ACTR3B: variants seen among roughly 807,000 people sequenced by gnomAD.
ACTR3B encodes actin-related protein 3B.
A neutral mutation model predicts 59.0 loss-of-function variants in ACTR3B; 8 were observed. That is an observed-to-expected ratio of 0.14 (90% CI 0.08 to 0.24). ACTR3B has a LOEUF of 0.24. Ranked by LOEUF, ACTR3B falls within the 10% of genes least tolerant of loss-of-function variation. ACTR3B has a pLI of 1.00. For synonymous variants in ACTR3B, 148 were observed against 197.9 expected, an observed-to-expected ratio of 0.75 and a Z score of 2.12; for missense variants, 245 against 552.3, an observed-to-expected ratio of 0.44 and a Z score of 5.58.
At chr7:152,814,201 C>T (rs1174252620) in intron 4 of ACTR3B, 2 of 234,658 alleles carry the variant, frequency 8.5e-6, no homozygotes, top group South Asian at 3.7e-5. Flanking sequence ...TGTCCTCACT[C>T]GTCTTGGTTG....
At chr7:152,782,668 C>G (rs532352456) in intron 1 of ACTR3B, among the ~76,000 whole-genome samples, 1 of 151,568 alleles carries the variant, frequency 6.6e-6, no homozygotes, top group Non-Finnish European at 1.5e-5. Context: ...CCGCCGCCCC[C>G]CACCCCGCAA....
intron 2 of ACTR3B, among the ~76,000 whole-genome samples, chr7:152,793,673 T>A (rs546831282): frequency 6.9e-6 from 1 of 143,900 alleles, no homozygotes; most frequent in African/African-American, 2.6e-5. Context: ...CTGTGTTATC[T>A]CGGTGGCATT....
chr7:152,795,595 C>T (rs1379094020), intron 2 of ACTR3B, among the ~76,000 whole-genome samples: 2 of 152,174 alleles, frequency 1.3e-5, no homozygotes, highest in African/African-American at 4.8e-5. Flanking sequence ...AGGGTAAATG[C>T]TTTAGCTCAC....
chr7:152,801,950 T>G (rs2098238064), intron 4 of ACTR3B, among the ~76,000 whole-genome samples: 1 of 151,688 alleles, frequency 6.6e-6, no homozygotes, highest in Non-Finnish European at 1.5e-5. Flanking sequence ...GCTCTAGGGC[T>G]GTTGTTTTAG....
At chr7:152,842,527 G>A (rs1367992473) in intron 9 of ACTR3B, among the ~76,000 whole-genome samples, 4 of 152,096 alleles carry the variant, frequency 2.6e-5, no homozygotes, top group Non-Finnish European at 4.4e-5. Context: ...AGCGGGAGCC[G>A]CAGATAATGG....
At chr7:152,774,393 C>T (rs1476193503) in intron 1 of ACTR3B, among the ~76,000 whole-genome samples, 1 of 152,148 alleles carries the variant, frequency 6.6e-6, no homozygotes, top group Non-Finnish European at 1.5e-5. Flanking sequence ...GCCTCGGCCT[C>T]CCGAAGTATT....
chr7:152,838,078 T>C (rs1410555243), intron 9 of ACTR3B, among the ~76,000 whole-genome samples: 1 of 151,838 alleles, frequency 6.6e-6, no homozygotes, highest in Non-Finnish European at 1.5e-5. Flanking sequence ...CTGTTTGTCA[T>C]GTGCAACATG....
At chr7:152,769,100 G>A (rs2098118135) in intron 1 of ACTR3B, among the ~76,000 whole-genome samples, 1 of 151,848 alleles carries the variant, frequency 6.6e-6, no homozygotes, top group African/African-American at 2.4e-5. Context: ...TGATCCACCC[G>A]CCTCTGCCTC....
intron 2 of ACTR3B, among the ~76,000 whole-genome samples, chr7:152,796,558 TTAA>T (rs1340720060): frequency 1.4e-5 from 2 of 144,024 alleles, no homozygotes; most frequent in African/African-American, 2.5e-5. Flanking sequence ...GCACTGAGGG[TTAA>T]TAATAACTTT....
chr7:152,814,500 T>G, intron 4 of ACTR3B, 50 bp from the exon 5 acceptor site: 1 of 1,269,958 alleles, frequency 7.9e-7, no homozygotes. Context: ...TTCTGATGTA[T>G]TTACATGAAA....
At chr7:152,798,121 C>T (rs1163170349) in intron 2 of ACTR3B, among the ~76,000 whole-genome samples, 1 of 152,076 alleles carries the variant, frequency 6.6e-6, no homozygotes. Context: ...TACTGTTTTC[C>T]ATAATGGCTC....
Position 152,803,822 on chromosome 7 carries a change from C to T in ACTR3B, c.336+2091C>T, listed in dbSNP as rs992061488. Among the ~76,000 whole-genome samples, 5 of 152,168 alleles carry T rather than the reference C, an allele frequency of 3.3e-5. No homozygotes were observed. The East Asian group carries it at 5.8e-4, about 18-fold the overall frequency. On this transcript the variant is annotated intron_variant, in intron 4 of 11. Transcript: ENST00000256001. ...TATTATTAAAAAGATAAGAAAATAT[C>T]GTATTACATGTGTTGTGCTTTGAAT...
In ACTR3B at chr7:152,807,218, T is replaced by C. The variant is rs184670997; in HGVS notation, c.336+5487T>C. On this transcript the variant is annotated intron_variant, in intron 4 of 11. Coordinates refer to ENST00000256001, the MANE Select transcript of ACTR3B (RefSeq NM_020445.6). ...CTTCACTACAGTAGAATTGTAAGTATAGAAAATTTGGAAGATATCTATGGG... is the reference window on the plus strand; with the variant it reads ...CTTCACTACAGTAGAATTGTAAGTACAGAAAATTTGGAAGATATCTATGGG... Among the ~76,000 whole-genome samples, 10 of 152,374 alleles carry C rather than the reference T, an allele frequency of 6.6e-5. No individual in the cohort carries two copies. The East Asian group carries it at 1.2e-3, about 18-fold the overall frequency.
intron 1 of ACTR3B, among the ~76,000 whole-genome samples, chr7:152,771,491 C>T (rs2098123749): frequency 6.6e-6 from 1 of 152,086 alleles, no homozygotes; most frequent in African/African-American, 2.4e-5. Flanking sequence ...ATGTGAGGAT[C>T]AACTTCCTGA....
In ACTR3B at chr7:152,829,061, C is replaced by T. The variant is rs1340084056; in HGVS notation, c.951+3939C>T. Reference sequence around the variant, plus strand: ...GTGTGTGTGTATATATATATATACACACACACACACACATCAAGAGCAGGA... The same window carrying T: ...GTGTGTGTGTATATATATATATACATACACACACACACATCAAGAGCAGGA... On this transcript the variant is annotated intron_variant, in intron 9 of 11. Transcript: ENST00000256001. 4.5e-3 allele frequency among the ~76,000 whole-genome samples: 642 copies of T among 141,366 alleles called. 2 individuals are homozygous for T. Among genetic ancestry groups the T allele is most frequent in the African/African-American group, 0.019 (614 of 32,492 alleles). The allele number at this position is 141,366 out of a possible 152,430, so 92.7% of individuals were successfully genotyped here.
intron 3 of ACTR3B, among the ~76,000 whole-genome samples, chr7:152,801,237 G>A (rs1229425681): frequency 6.6e-6 from 1 of 152,256 alleles, no homozygotes; most frequent in Admixed American, 6.5e-5. Context: ...GCACCACCAA[G>A]CCTGGCTGAT....
intron 5 of ACTR3B, 150 bp from the exon 6 acceptor site, chr7:152,816,331 G>C (rs1795691875): frequency 3.4e-6 from 2 of 596,676 alleles, no homozygotes; most frequent in East Asian, 3.4e-5. Context: ...ATTGGAATTT[G>C]AGGGACAGGG....
chr7:152,842,833 C>T (rs971095896), intron 9 of ACTR3B, among the ~76,000 whole-genome samples: 1 of 152,182 alleles, frequency 6.6e-6, no homozygotes, highest in Non-Finnish European at 1.5e-5. Context: ...TAAGTTTTTC[C>T]AAAGTACTTA....
chr7:152,843,173 G>T (rs1212156693), intron 9 of ACTR3B, among the ~76,000 whole-genome samples: 2 of 151,886 alleles, frequency 1.3e-5, no homozygotes, highest in African/African-American at 4.8e-5. Flanking sequence ...GGTTTTTGAA[G>T]AACAGAAATG....
Sources: allele counts gnomAD v4.1 joint callset (sites outside exome capture counted in the v4.1 genomes callset), GRCh38; gene constraint gnomAD v4.1.1; transcripts MANE v1.5; gene names NCBI Gene and HGNC (gene_info 2026-07-23, HGNC 2026-07-21).